The following NPTXR variants were observed in gnomAD, a reference collection of about 807,000 sequenced individuals.
NPTXR encodes neuronal pentraxin receptor.
Under a neutral mutation model 32.2 loss-of-function variants are expected in NPTXR, and 12 were observed. That is an observed-to-expected ratio of 0.37 (90% CI 0.24 to 0.60). The LOEUF is 0.60. NPTXR is among the 20% of genes least tolerant of loss of function. The pLI, the probability that NPTXR is intolerant of heterozygous loss-of-function variation, is 0.66. For missense variants in NPTXR, 612 were observed against 682.9 expected (o/e 0.90, Z 1.16); for synonymous variants, 323 against 315.8 (o/e 1.02, Z -0.24).
chr22:38,841,078 G>C (rs1485599161), intron 1 of NPTXR, among the ~76,000 whole-genome samples: 1 of 152,224 alleles, frequency 6.6e-6, no homozygotes, highest in Non-Finnish European at 1.5e-5. Context: ...GATACTGAAT[G>C]AGAAGAGAGG....
Position 38,821,957 on chromosome 22 carries a change from G to T in NPTXR, c.*652C>A, listed in dbSNP as rs543510997. The T allele has an allele frequency of 6.5e-6, 1 of 154,892 alleles. No individual in the cohort carries two copies. Among genetic ancestry groups the T allele is most frequent in the Non-Finnish European group, 1.4e-5 (1 of 69,886 alleles). 9.6% of individuals were successfully genotyped at this position (154,892 alleles called of 1,614,324 possible). A position where few individuals can be genotyped will look rare whatever the true frequency, so the allele number is the denominator to read the frequency against. The stretch of plus-strand genomic sequence containing the variant: ...TCCCTCCAGGCTGGAGCTGGGAAAG[G>T]AATGTCCTGGAGACTGAGGTGGGGC... On this transcript the variant is annotated 3_prime_UTR_variant, in exon 5 of 5. Coordinates refer to ENST00000333039, the MANE Select transcript of NPTXR (RefSeq NM_014293.4).
chr22:38,822,543 G>A lies in NPTXR; in HGVS notation c.*66C>T, dbSNP rs866004607. 4 of 1,415,598 alleles carry A rather than the reference G, an allele frequency of 2.8e-6. No individual in the cohort carries two copies. The highest frequency in any genetic ancestry group is 1.4e-5 in the African/African-American group (1 of 70,626). 87.7% of individuals were successfully genotyped at this position (1,415,598 alleles called of 1,614,324 possible). A position where few individuals can be genotyped will look rare whatever the true frequency, so the allele number is the denominator to read the frequency against. ...GCCAGTGCGTGGGCAGGCTGAGGAGGGAATATGACCCCCCTCAAGTCCCCA... is the reference window on the plus strand; with the variant it reads ...GCCAGTGCGTGGGCAGGCTGAGGAGAGAATATGACCCCCCTCAAGTCCCCA... On this transcript the variant is annotated 3_prime_UTR_variant, in exon 5 of 5. Coordinates refer to ENST00000333039, the MANE Select transcript of NPTXR (RefSeq NM_014293.4).
At chr22:38,838,865 G>A (rs2146199704) in intron 1 of NPTXR, among the ~76,000 whole-genome samples, 1 of 152,250 alleles carries the variant, frequency 6.6e-6, no homozygotes, top group East Asian at 1.9e-4. Flanking sequence ...ACAGGTGTGA[G>A]CCACCGCGCC....
intron 1 of NPTXR, among the ~76,000 whole-genome samples, chr22:38,829,513 T>C (rs182954235): frequency 1.3e-5 from 2 of 152,254 alleles, no homozygotes; most frequent in Admixed American, 1.3e-4. Flanking sequence ...GAAATGTCAG[T>C]AGGAGATTAA....
At chr22:38,839,950 G>GA (rs1430759390) in intron 1 of NPTXR, among the ~76,000 whole-genome samples, 1 of 152,234 alleles carries the variant, frequency 6.6e-6, no homozygotes, top group Non-Finnish European at 1.5e-5. Flanking sequence ...GATAAGGACT[G>GA]AAAGAGGGTT....
At chr22:38,826,211 T>C (rs925938196) in intron 3 of NPTXR, among the ~76,000 whole-genome samples, 3 of 152,184 alleles carry the variant, frequency 2.0e-5, no homozygotes, top group African/African-American at 7.2e-5. Context: ...CCCTGTCCCA[T>C]AGCTGGGTCA....
At chr22:38,828,617 G>T in intron 1 of NPTXR, 105 bp from the exon 2 acceptor site, 1 of 847,560 alleles carries the variant, frequency 1.2e-6, no homozygotes, top group Non-Finnish European at 1.8e-6. Context: ...GGGAGCCTCA[G>T]CTTCCCCAGT....
intron 1 of NPTXR, among the ~76,000 whole-genome samples, chr22:38,840,105 G>T (rs933082234): frequency 3.3e-5 from 5 of 152,230 alleles, no homozygotes; most frequent in African/African-American, 9.6e-5. Flanking sequence ...TCCCACTTGA[G>T]GCTTTGGGGA....
intron 1 of NPTXR, among the ~76,000 whole-genome samples, chr22:38,838,840 C>T (rs1399495031): frequency 6.6e-6 from 1 of 152,108 alleles, no homozygotes; most frequent in Admixed American, 6.6e-5. Context: ...CTTGGCCTCC[C>T]AAAGTGCTGG....
Position 38,834,336 on chromosome 22 carries a change from C to T in NPTXR, c.625-5824G>A, listed in dbSNP as rs1003464439. Among the ~76,000 whole-genome samples, 5 of 152,162 alleles carry T rather than the reference C, an allele frequency of 3.3e-5. No individual in the cohort carries two copies. The highest frequency in any genetic ancestry group is 7.3e-5 in the Non-Finnish European group (5 of 68,034). ...GTCCTCCTGGCTTCAGCCCTTACCC[C>T]GACAGGACATAGGTCACGCCCACTG... On this transcript the variant is annotated intron_variant, in intron 1 of 4. Coordinates refer to ENST00000333039, the MANE Select transcript of NPTXR (RefSeq NM_014293.4). The surrounding 1 kb of genome is among the most constrained non-coding windows in gnomAD (Gnocchi z 4.4).
chr22:38,842,406 A>G (rs946757981), intron 1 of NPTXR, among the ~76,000 whole-genome samples: 1 of 152,190 alleles, frequency 6.6e-6, no homozygotes, highest in Non-Finnish European at 1.5e-5. Context: ...GGAGCCCCAA[A>G]TTCATTCTTA....
At chr22:38,832,937 T>C (rs1342520570) in intron 1 of NPTXR, among the ~76,000 whole-genome samples, 1 of 152,130 alleles carries the variant, frequency 6.6e-6, no homozygotes, top group Non-Finnish European at 1.5e-5. Context: ...AAAGGGAGAC[T>C]GATAGGAGGG....
At chr22:38,841,534 C>T (rs942687582) in intron 1 of NPTXR, among the ~76,000 whole-genome samples, 15 of 152,298 alleles carry the variant, frequency 9.8e-5, no homozygotes, top group Middle Eastern at 3.4e-3. Flanking sequence ...ATGGCAGGCA[C>T]GAGGAAGTTT....
intron 3 of NPTXR, among the ~76,000 whole-genome samples, chr22:38,824,113 A>T (rs2146190879): frequency 6.7e-6 from 1 of 149,736 alleles, no homozygotes; most frequent in East Asian, 2.0e-4. Flanking sequence ...AGTAGCTGGG[A>T]TTACAGGCGT....
chr22:38,832,304 G>A (rs1291690398), intron 1 of NPTXR, among the ~76,000 whole-genome samples: 2 of 152,212 alleles, frequency 1.3e-5, no homozygotes, highest in African/African-American at 4.8e-5. Context: ...TGGGCTCCCG[G>A]CCCGATGCCA....
chr22:38,829,527 T>G (rs1353444787), intron 1 of NPTXR, among the ~76,000 whole-genome samples: 1 of 152,152 alleles, frequency 6.6e-6, no homozygotes, highest in African/African-American at 2.4e-5. Flanking sequence ...AGATTAATAA[T>G]TCAATGAGCT....
At chr22:38,825,836 CTCTCTTT>C (rs2093105517) in intron 3 of NPTXR, among the ~76,000 whole-genome samples, 2 of 100,414 alleles carry the variant, frequency 2.0e-5, no homozygotes, top group Non-Finnish European at 4.0e-5. Flanking sequence ...CCTTCTCTCT[CTCTCTTT>C]TTTTTTTTTT....
At position 38,828,425 on chromosome 22, in the gene NPTXR, G is replaced by A. The variant is rs777755585; in HGVS notation, c.712C>T (p.Leu238=). ...ACCTGGGCCAGCAGCTGCCCCTCCA[G>A]CTGGTCCATCTTGGAGTGTAGGCCG... Residue 238 remains leucine (L), a synonymous_variant, in exon 2 of 5, where the codon CTG becomes TTG. Coordinates refer to ENST00000333039, the MANE Select transcript of NPTXR (RefSeq NM_014293.4). 6.2e-7 allele frequency: 1 copy of A among 1,612,614 alleles called. No homozygotes were observed. Among genetic ancestry groups the A allele is most frequent in the Non-Finnish European group, 8.5e-7 (1 of 1,179,816 alleles).
Position 38,822,973 on chromosome 22 carries a change from C to G in NPTXR, c.1278+110G>C, listed in dbSNP as rs1055205262. The G allele has an allele frequency of 4.0e-6, 6 of 1,485,226 alleles. No homozygotes were observed. In the East Asian group the frequency reaches 1.4e-4, roughly 34 times the overall value. 92.0% of individuals were successfully genotyped at this position (1,485,226 alleles called of 1,614,324 possible). A position where few individuals can be genotyped will look rare whatever the true frequency, so the allele number is the denominator to read the frequency against. On this transcript the variant is annotated intron_variant, in intron 4 of 4. Transcript: ENST00000333039. ...TGAAGCCCCACCGCCAACGCTCTAGCCCCACCTTCAAGATTCTAGTTCCTT... is the reference window on the plus strand; with the variant it reads ...TGAAGCCCCACCGCCAACGCTCTAGGCCCACCTTCAAGATTCTAGTTCCTT...
Sources: gnomAD v4.1 joint callset for allele counts (sites outside exome capture counted in the v4.1 genomes callset) on GRCh38, gnomAD v4.1.1 for gene constraint, Gnocchi (gnomAD v3.1) non-coding constraint, MANE v1.5 for transcripts, NCBI Gene and HGNC (gene_info 2026-07-23, HGNC 2026-07-21) for gene names.